Variants in BCKDK observed in about 807,000 individuals in gnomAD.
The protein encoded by BCKDK is branched-chain alpha-ketoacid dehydrogenase kinase.
In BCKDK, 28 loss-of-function variants were observed where a neutral mutation model predicts 43.9. That is an observed-to-expected ratio of 0.64 (90% CI 0.47 to 0.87). BCKDK has a LOEUF of 0.87. BCKDK is among the 40% of genes least tolerant of loss of function. The probability of loss-of-function intolerance (pLI) is 0.00; values close to 1 mark genes in which losing one functional copy is unlikely to be tolerated. For missense variants in BCKDK, 483 were observed against 581.4 expected (o/e 0.83, Z 1.74); for synonymous variants, 257 against 234.3 (o/e 1.10, Z -0.88).
In BCKDK at chr16:31,109,674, A is replaced by G; in HGVS notation, c.266A>G (p.Lys89Arg). 1.9e-6 allele frequency: 3 copies of G among 1,614,008 alleles called. No homozygotes were observed. Among genetic ancestry groups the G allele is most frequent in the Non-Finnish European group, 2.5e-6 (3 of 1,180,006 alleles). The change falls in exon 4 of 12, where the codon AAA (lysine) becomes AGA (arginine). Residue 89 changes from lysine (K) to arginine (R), a missense_variant and splice_region_variant. Coordinates refer to ENST00000219794, the MANE Select transcript of BCKDK (RefSeq NM_005881.4). The surrounding 1 kb of genome is among the most constrained non-coding windows in gnomAD (Gnocchi z 5.3). ...GRSQDGSHLL[K>R]SARYLQQELP... The stretch of plus-strand genomic sequence containing the variant: ...CCTTCCCTTCTCATTTTCTCCCAGA[A>G]AAGTGCTCGGTACCTGCAGCAAGAA...
rs750916023 is a variant in BCKDK, at chr16:31,112,026, G to A, written c.1093G>A (p.Gly365Ser). The A allele has an allele frequency of 1.9e-6, 3 of 1,614,006 alleles. No individual in the cohort carries two copies. The highest frequency in any genetic ancestry group is 2.2e-5 in the East Asian group (1 of 44,874). The change falls in exon 11 of 12, where the codon GGC (glycine) becomes AGC (serine). Residue 365 changes from glycine (G) to serine (S), a missense_variant and splice_region_variant. Transcript: ENST00000219794. The surrounding 1 kb of genome is among the most constrained non-coding windows in gnomAD (Gnocchi z 5.0). The stretch of plus-strand genomic sequence containing the variant: ...TGGCGCCCAGTCAGGACCCATGCAC[G>A]GGTGAGACCCTGCCAGGCCAGGATG... ...HSGAQSGPMH[G>S]FGFGLPTSRA... is the part of the protein sequence containing the mutation.
Position 31,108,760 on chromosome 16 carries a change from G to A in BCKDK, c.-178+281G>A, listed in dbSNP as rs1020292831. The A allele has an allele frequency of 5.2e-5, 8 of 152,606 alleles. No individual in the cohort carries two copies. Among genetic ancestry groups the A allele is most frequent in the African/African-American group, 1.7e-4 (7 of 41,486 alleles). The allele number at this position is 152,606 out of a possible 1,614,324, so 9.5% of individuals were successfully genotyped here. ...GCAGGCAGGGGCAGCCCCGCCCCCT[G>A]AGAAGGGTACCCGGGACCCCGGGGC... is the stretch of plus-strand genomic sequence containing the variant. On this transcript the variant is annotated intron_variant, in intron 1 of 11. Coordinates refer to ENST00000219794, the MANE Select transcript of BCKDK (RefSeq NM_005881.4). This position sits in a 1 kb window ranked among gnomAD's most constrained non-coding sequence, Gnocchi z 6.2.
In BCKDK at chr16:31,109,364, C is replaced by T. The variant is rs1567428036; in HGVS notation, c.141C>T (p.Ser47=). The T allele has an allele frequency of 1.2e-6, 2 of 1,609,506 alleles. No individual in the cohort carries two copies. Among genetic ancestry groups the T allele is most frequent in the East Asian group, 2.2e-5 (1 of 44,782 alleles). Residue 47 remains serine, a synonymous_variant, in exon 2 of 12, where the codon TCC becomes TCT. Transcript: ENST00000219794. The surrounding 1 kb of genome is among the most constrained non-coding windows in gnomAD (Gnocchi z 5.3). ...THHVEMARER[S]KTVTSFYNQS... The stretch of plus-strand genomic sequence containing the variant: ...ACGTGGAGATGGCTCGGGAGCGCTC[C>T]AAGACCGTCACCTCCTTTTACAACC...
downstream of BCKDK, among the ~76,000 whole-genome samples, chr16:31,114,936 CTTTTTT>C (rs1487722992): frequency 2.0e-5 from 3 of 151,322 alleles, no homozygotes; most frequent in Admixed American, 6.6e-5. Context: ...TTTTCTTTTT[CTTTTTT>C]GAGATGGAGT....
At chr16:31,113,021 G>C (rs181786552), downstream of BCKDK, among the ~76,000 whole-genome samples, 1 of 152,226 alleles carries the variant, frequency 6.6e-6, no homozygotes, top group Non-Finnish European at 1.5e-5. Flanking sequence ...CCCTAGCAGG[G>C]ACTGGGTGCC....
In BCKDK at chr16:31,109,755, T is replaced by C. The variant is rs746459006; in HGVS notation, c.347T>C (p.Ile116Thr). ...GGCTTCCGCTGCCTTCCTTTCATCA[T>C]TGGCTGCAACCCCACCATACTGCAC... is the stretch of plus-strand genomic sequence containing the variant. The part of the protein sequence containing the change: ...IKGFRCLPFI[I>T]GCNPTILHVH... Residue 116 changes from isoleucine to threonine, a missense_variant, in exon 4 of 12, where the codon ATT (isoleucine) becomes ACT (threonine). Transcript: ENST00000219794. The surrounding 1 kb of genome is among the most constrained non-coding windows in gnomAD (Gnocchi z 5.3). 3 of 1,613,852 alleles carry C rather than the reference T, an allele frequency of 1.9e-6. No homozygotes were observed. Among genetic ancestry groups the C allele is most frequent in the Non-Finnish European group, 2.5e-6 (3 of 1,180,008 alleles).
In BCKDK at chr16:31,112,179, C is replaced by T. The variant is rs745623913; in HGVS notation, c.1153C>T (p.Gln385Ter). The T allele has an allele frequency of 6.2e-7, 1 of 1,613,154 alleles. No homozygotes were observed. The highest frequency in any genetic ancestry group is 1.1e-5 in the South Asian group (1 of 91,080). ...AYAEYLGGSL[Q>*]LQSLQGIGTD... ...CGCGGAGTACCTCGGTGGGTCTCTG[C>T]AGCTGCAGTCCCTGCAGGGCATTGG... Residue 385 changes from glutamine to a stop codon, truncating the protein, a stop_gained, in exon 12 of 12, where the codon CAG becomes TAG. Transcript: ENST00000219794. LOFTEE classifies it high-confidence loss of function. The surrounding 1 kb of genome is among the most constrained non-coding windows in gnomAD (Gnocchi z 5.0).
Position 31,111,045 on chromosome 16 carries a change from C to A in BCKDK, c.717-46C>A, listed in dbSNP as rs368849582. 3 of 1,607,708 alleles carry A rather than the reference C, an allele frequency of 1.9e-6. 1 individual carries two copies. Among genetic ancestry groups the A allele is most frequent in the Non-Finnish European group, 1.7e-6 (2 of 1,176,752 alleles). On this transcript the variant is annotated intron_variant, in intron 8 of 11. Transcript: ENST00000219794. Reference sequence around the variant, plus strand: ...GGGCAGAATTGTTTCCAGTTGCAAACCACTGGTGGAGGGGCCCCTGACTGA... The same window carrying A: ...GGGCAGAATTGTTTCCAGTTGCAAAACACTGGTGGAGGGGCCCCTGACTGA...
At position 31,111,979 on chromosome 16, in the gene BCKDK, T is replaced by C; in HGVS notation, c.1046T>C (p.Phe349Ser). 1 of 1,614,030 alleles carries C rather than the reference T, an allele frequency of 6.2e-7. No homozygotes were observed. The highest frequency in any genetic ancestry group is 8.5e-7 in the Non-Finnish European group (1 of 1,179,990). ...STQDPRISPL[F>S]GHLDMHSGAQ... ...CAGGACCCCCGGATCAGCCCCCTCT[T>C]TGGCCATCTGGACATGCATAGTGGC... The change falls in exon 11 of 12, where the codon TTT becomes TCT. Residue 349 changes from phenylalanine to serine, a missense_variant. Coordinates refer to ENST00000219794, the MANE Select transcript of BCKDK (RefSeq NM_005881.4).
chr16:31,114,470 C>G (rs2057435690), downstream of BCKDK, among the ~76,000 whole-genome samples: 1 of 152,094 alleles, frequency 6.6e-6, no homozygotes, highest in South Asian at 2.1e-4. Flanking sequence ...CTCAGCCTCC[C>G]AAAGTGCCAG....
chr16:31,116,188 T>C (rs1401447767), downstream of BCKDK, among the ~76,000 whole-genome samples: 1 of 151,824 alleles, frequency 6.6e-6, no homozygotes, highest in African/African-American at 2.4e-5. Flanking sequence ...AGTGCTGGGA[T>C]TACAGGCGTG....
chr16:31,113,452 T>G (rs1339314865), downstream of BCKDK, among the ~76,000 whole-genome samples: 2 of 152,084 alleles, frequency 1.3e-5, no homozygotes, highest in Non-Finnish European at 2.9e-5. Context: ...AAACATGGGA[T>G]TTATCTTGAG....
downstream of BCKDK, among the ~76,000 whole-genome samples, chr16:31,115,410 A>T (rs956405851): frequency 2.7e-5 from 4 of 150,700 alleles, no homozygotes; most frequent in Non-Finnish European, 5.9e-5. Context: ...TTTAGTAGAG[A>T]TGGGGTTTCT....
rs1198070340 is a variant in BCKDK, at chr16:31,111,375, C to T, written c.921C>T (p.Val307=). Residue 307 remains valine, a synonymous_variant, in exon 10 of 12, where the codon GTC becomes GTT. Coordinates refer to ENST00000219794, the MANE Select transcript of BCKDK (RefSeq NM_005881.4). The part of the protein sequence containing the change: ...DVVITIANND[V]DLIIRISDRG... ...TCATCACCATCGCCAACAATGATGT[C>T]GATCTGATCATCAGGTTTGCCCTGA... 26 of 1,613,954 alleles carry T rather than the reference C, an allele frequency of 1.6e-5. No individual in the cohort carries two copies. Among genetic ancestry groups the T allele is most frequent in the Non-Finnish European group, 2.1e-5 (25 of 1,179,982 alleles).
chr16:31,111,581 A>G (rs1217316564), intron 10 of BCKDK, among the ~76,000 whole-genome samples, 192 bp downstream of exon 10: 2 of 152,158 alleles, frequency 1.3e-5, no homozygotes, highest in African/African-American at 4.8e-5. Context: ...CTGCAGGCCT[A>G]GGTATCCTGC....
rs1185185977 is a variant in BCKDK, at chr16:31,108,403, C to A, written c.-254C>A. On this transcript the variant is annotated 5_prime_UTR_variant, in exon 1 of 12. Coordinates refer to ENST00000219794, the MANE Select transcript of BCKDK (RefSeq NM_005881.4). This position sits in a 1 kb window ranked among gnomAD's most constrained non-coding sequence, Gnocchi z 6.2. ...CACGCGACGTCACGGCGGCGGAGGG[C>A]GCAGGCGGCTGGGCGCCTGGCGAGT... 1.3e-5 allele frequency: 2 copies of A among 152,220 alleles called. No homozygotes were observed. The highest frequency in any genetic ancestry group is 4.8e-5 in the African/African-American group (2 of 41,456). 9.4% of individuals were successfully genotyped at this position (152,220 alleles called of 1,614,324 possible).
chr16:31,111,130 C>T lies in BCKDK; in HGVS notation c.756C>T (p.Val252=). The change falls in exon 9 of 12, where the codon GTC becomes GTT. Residue 252 remains valine, a synonymous_variant. Coordinates refer to ENST00000219794, the MANE Select transcript of BCKDK (RefSeq NM_005881.4). Reference sequence around the variant, plus strand: ...ACAAGTATGGCAATGCGCCCCGTGTCCGCATCAATGGCCATGTGGCTGCCC... The same window carrying T: ...ACAAGTATGGCAATGCGCCCCGTGTTCGCATCAATGGCCATGTGGCTGCCC... ...CEHKYGNAPR[V]RINGHVAARF... The T allele has an allele frequency of 6.2e-7, 1 of 1,614,194 alleles. No homozygotes were observed. The highest frequency in any genetic ancestry group is 1.1e-5 in the South Asian group (1 of 91,078).
rs113304598 is a variant in BCKDK at position 31,109,277 on chromosome 16, G to A, written c.54G>A (p.Arg18=). Residue 18 remains arginine (R), a synonymous_variant, in exon 2 of 12, where the codon CGG becomes CGA. Transcript: ENST00000219794. This position sits in a 1 kb window ranked among gnomAD's most constrained non-coding sequence, Gnocchi z 5.3. Reference sequence around the variant, plus strand: ...GTCCCGGGGGCGGGCTTCCGCTCCGGCCCCTCCTGGGACCCGCACTCGCGC... The same window carrying A: ...GTCCCGGGGGCGGGCTTCCGCTCCGACCCCTCCTGGGACCCGCACTCGCGC... The part of the protein sequence containing the change: ...RSGPGGGLPL[R]PLLGPALALR... 5 of 1,588,956 alleles carry A rather than the reference G, an allele frequency of 3.1e-6. No individual in the cohort carries two copies. The African/African-American group carries it at 4.0e-5, about 13-fold the overall frequency.
In BCKDK at chr16:31,112,485, G is replaced by A. The variant is rs765287044; in HGVS notation, c.*220G>A. 7 of 700,288 alleles carry A rather than the reference G, an allele frequency of 1.0e-5. No individual in the cohort carries two copies. Among genetic ancestry groups the A allele is most frequent in the South Asian group, 8.2e-5 (5 of 60,826 alleles). The allele number at this position is 700,288 out of a possible 1,614,324, so 43.4% of individuals were successfully genotyped here. A position where few individuals can be genotyped will look rare whatever the true frequency, so the allele number is the denominator to read the frequency against. Reference sequence around the variant, plus strand: ...TGGAGCAGGGAAGTGGGCACCCTGAGGCCTCCAGCACCAGTTCCGTCATTC... The same window carrying A: ...TGGAGCAGGGAAGTGGGCACCCTGAAGCCTCCAGCACCAGTTCCGTCATTC... On this transcript the variant is annotated 3_prime_UTR_variant, in exon 12 of 12. Coordinates refer to ENST00000219794, the MANE Select transcript of BCKDK (RefSeq NM_005881.4). This position sits in a 1 kb window ranked among gnomAD's most constrained non-coding sequence, Gnocchi z 5.0.
Sources: gnomAD v4.1 joint callset for allele counts (sites outside exome capture counted in the v4.1 genomes callset) on GRCh38, gnomAD v4.1.1 for gene constraint, Gnocchi (gnomAD v3.1) non-coding constraint, MANE v1.5 for transcripts, NCBI Gene and HGNC (gene_info 2026-07-23, HGNC 2026-07-21) for gene names.